The following GPHN variants were observed in gnomAD, a reference collection of about 807,000 sequenced individuals.
GPHN encodes the protein gephyrin.
Under a neutral mutation model 95.5 loss-of-function variants are expected in GPHN, and 17 were observed. The observed-to-expected ratio is 0.18, with a 90% CI of 0.12 to 0.27. GPHN has a LOEUF of 0.27. Among genes scored for constraint, GPHN ranks in the 10% least tolerant of loss-of-function variants. The probability of loss-of-function intolerance (pLI) is 1.00; values close to 1 mark genes in which losing one functional copy is unlikely to be tolerated. For synonymous variants in GPHN, 320 were observed against 322.5 expected (o/e 0.99, Z 0.08); for missense variants, 660 against 978.1 (o/e 0.67, Z 4.34).
At chr14:67,382,892 T>C in the GPHN span, among the ~76,000 whole-genome samples, 1 of 147,952 alleles carries the variant, frequency 6.8e-6, no homozygotes, top group Admixed American at 6.8e-5. Context: ...AAGAAGTGTG[T>C]GTACGTGCGT....
At chr14:67,688,831 C>T in the GPHN span, among the ~76,000 whole-genome samples, 2 of 152,112 alleles carry the variant, frequency 1.3e-5, no homozygotes, top group African/African-American at 4.8e-5. Flanking sequence ...GTCTTTCTCC[C>T]CCGTTAGATG....
chr14:66,659,479 G>C (rs2065507997), intron 1 of GPHN, among the ~76,000 whole-genome samples: 1 of 151,920 alleles, frequency 6.6e-6, no homozygotes, highest in African/African-American at 2.4e-5. Flanking sequence ...CTGTATCTTT[G>C]TTGATTATAT....
intron 1 of GPHN, among the ~76,000 whole-genome samples, chr14:66,599,392 A>ATTTTCTTTTTTTTTT (rs2062126307): frequency 5.2e-5 from 4 of 76,522 alleles, no homozygotes; most frequent in African/African-American, 2.9e-4. Context: ...TTTTTTTTGC[A>ATTTTCTTTTTTTTTT]TTTTTTTTTT....
chr14:67,553,951 G>T, the GPHN span, among the ~76,000 whole-genome samples: 1 of 152,202 alleles, frequency 6.6e-6, no homozygotes, highest in African/African-American at 2.4e-5. Flanking sequence ...GCTTGAACAC[G>T]TGAATGCCTG....
At chr14:66,650,083 A>G (rs1173541411) in intron 1 of GPHN, among the ~76,000 whole-genome samples, 3 of 149,626 alleles carry the variant, frequency 2.0e-5, no homozygotes. Flanking sequence ...AGACTCTAAG[A>G]CTGCCAACCA....
chr14:67,287,600 G>T, the GPHN span, among the ~76,000 whole-genome samples: 1 of 152,228 alleles, frequency 6.6e-6, no homozygotes, highest in Non-Finnish European at 1.5e-5. Flanking sequence ...GTGCAACGCT[G>T]GTAGGGGTAT....
At chr14:66,663,633 A>G (rs1470710551) in intron 1 of GPHN, among the ~76,000 whole-genome samples, 2 of 152,216 alleles carry the variant, frequency 1.3e-5, no homozygotes, top group Non-Finnish European at 2.9e-5. Flanking sequence ...TGCACATAAC[A>G]ATACTAACCT....
At chr14:67,054,048 GC>G (rs1268007766) in intron 10 of GPHN, among the ~76,000 whole-genome samples, 1 of 152,110 alleles carries the variant, frequency 6.6e-6, no homozygotes, top group East Asian at 1.9e-4. Context: ...TTGAAAATCA[GC>G]ACAAGACAAG....
At chr14:66,727,131 C>T (rs922746124) in intron 2 of GPHN, among the ~76,000 whole-genome samples, 2 of 152,122 alleles carry the variant, frequency 1.3e-5, no homozygotes, top group African/African-American at 2.4e-5. Flanking sequence ...GTTTTTAAAA[C>T]GGGAATTTCC....
chr14:66,528,660 G>A (rs1044790031), intron 1 of GPHN, among the ~76,000 whole-genome samples: 1 of 152,138 alleles, frequency 6.6e-6, no homozygotes, highest in Non-Finnish European at 1.5e-5. Context: ...CAGGCCTCGT[G>A]GTGACAGAAT....
intron 1 of GPHN, among the ~76,000 whole-genome samples, chr14:66,639,795 A>G (rs1025427043): frequency 2.6e-5 from 4 of 152,104 alleles, no homozygotes; most frequent in African/African-American, 9.7e-5. Flanking sequence ...AAATTTATAT[A>G]TCTAAATTGA....
intron 9 of GPHN, among the ~76,000 whole-genome samples, chr14:66,984,752 T>A (rs112575845): frequency 1.3e-5 from 2 of 152,126 alleles, no homozygotes; most frequent in African/African-American, 4.8e-5. Flanking sequence ...ACAGCTAACT[T>A]GACCTATGCT....
chr14:66,685,521 A>G (rs2067289705), intron 2 of GPHN, among the ~76,000 whole-genome samples: 1 of 152,166 alleles, frequency 6.6e-6, no homozygotes, highest in Non-Finnish European at 1.5e-5. Flanking sequence ...GCATTTTTTC[A>G]TGTATCTATT....
At chr14:66,605,533 T>TTTC (rs1324909600) in intron 1 of GPHN, among the ~76,000 whole-genome samples, 2 of 147,010 alleles carry the variant, frequency 1.4e-5, no homozygotes, top group Non-Finnish European at 3.0e-5. Flanking sequence ...GCCGATTTTT[T>TTTC]TTTTTTTTTT....
chr14:67,400,718 T>C, the GPHN span, among the ~76,000 whole-genome samples: 3 of 151,964 alleles, frequency 2.0e-5, no homozygotes, highest in African/African-American at 7.2e-5. Flanking sequence ...CTGAGCTCGG[T>C]GGTTCACGCC....
the GPHN span, chr14:67,579,141 A>T: frequency 6.2e-7 from 1 of 1,604,600 alleles, no homozygotes; most frequent in African/African-American, 1.3e-5. Flanking sequence ...TAGAAGTGAA[A>T]CTGGCCAGTA....
chr14:67,650,913 G>T, the GPHN span: 3 of 1,613,846 alleles, frequency 1.9e-6, no homozygotes, highest in South Asian at 3.3e-5. Context: ...GCACGTGTGA[G>T]AATTTAGGAG....
intron 3 of GPHN, among the ~76,000 whole-genome samples, chr14:66,777,519 A>G (rs1271905236): frequency 1.3e-5 from 2 of 152,148 alleles, no homozygotes; most frequent in African/African-American, 4.8e-5. Context: ...AGACACAACC[A>G]AAAAAGAGAA....
the GPHN span, chr14:67,382,323 T>C: frequency 1.2e-6 from 1 of 805,810 alleles, no homozygotes; most frequent in Non-Finnish European, 1.9e-6. Flanking sequence ...TACTGTCCTG[T>C]AGAATTGGCA....
Sources: allele counts gnomAD v4.1 joint callset (sites outside exome capture counted in the v4.1 genomes callset), GRCh38; gene constraint gnomAD v4.1.1; transcripts MANE v1.5; gene names NCBI Gene and HGNC (gene_info 2026-07-23, HGNC 2026-07-21).